FRMD4B: variants seen among roughly 807,000 people sequenced by gnomAD.
The protein encoded by FRMD4B is FERM domain-containing protein 4B.
In FRMD4B, 74 loss-of-function variants were observed where a neutral mutation model predicts 141.5. The ratio of observed to expected loss-of-function variants is 0.52; its 90% CI spans 0.43 to 0.63. FRMD4B has a LOEUF of 0.63. Ranked by LOEUF, FRMD4B falls within the 30% of genes least tolerant of loss-of-function variation. FRMD4B has a pLI of 0.00. For missense variants in FRMD4B, 1,366 were observed against 1,253.4 expected, an observed-to-expected ratio of 1.09 and a Z score of -1.36; for synonymous variants, 506 against 467.9, an observed-to-expected ratio of 1.08 and a Z score of -1.05.
intron 3 of FRMD4B, chr3:69,310,581 C>CAT (rs1299113912): frequency 1.3e-5 from 2 of 159,866 alleles, no homozygotes; most frequent in African/African-American, 5.4e-5. Context: ...CACACACACA[C>CAT]AGAGAGAGAG....
chr3:69,314,173 A>T (rs1177211010), intron 1 of FRMD4B, among the ~76,000 whole-genome samples: 1 of 107,204 alleles, frequency 9.3e-6, no homozygotes, highest in African/African-American at 3.4e-5. Context: ...AAAAAAAAAA[A>T]GCCTCTCCAT....
At chr3:69,267,407 A>G (rs1452902559) in intron 5 of FRMD4B, among the ~76,000 whole-genome samples, 1 of 152,042 alleles carries the variant, frequency 6.6e-6, no homozygotes, top group Non-Finnish European at 1.5e-5. Context: ...AACATTAGCT[A>G]TCAGAGCAAT....
intron 1 of FRMD4B, among the ~76,000 whole-genome samples, chr3:69,437,646 CAGAG>C (rs1317675619): frequency 7.6e-6 from 1 of 130,946 alleles, no homozygotes; most frequent in Non-Finnish European, 1.5e-5. Context: ...TATATATATA[CAGAG>C]AAAGTTTGTA....
At chr3:69,368,124 G>C (rs1178331356) in intron 1 of FRMD4B, among the ~76,000 whole-genome samples, 1 of 151,888 alleles carries the variant, frequency 6.6e-6, no homozygotes, top group African/African-American at 2.4e-5. Flanking sequence ...TCATGTTCTA[G>C]GCATCTGTTT....
At chr3:69,415,355 C>A (rs1488938728) in intron 2 of FRMD4B, among the ~76,000 whole-genome samples, 1 of 152,196 alleles carries the variant, frequency 6.6e-6, no homozygotes, top group African/African-American at 2.4e-5. Flanking sequence ...GATTGGGGAG[C>A]AGATCCATGC....
chr3:69,531,672 A>C (rs1448384696), intron 1 of FRMD4B, among the ~76,000 whole-genome samples: 6 of 152,346 alleles, frequency 3.9e-5, no homozygotes, highest in African/African-American at 1.4e-4. Flanking sequence ...ACAAACTGCC[A>C]ATTTTTAAAT....
At chr3:69,423,815 G>A (rs1705025177) in intron 2 of FRMD4B, among the ~76,000 whole-genome samples, 1 of 152,148 alleles carries the variant, frequency 6.6e-6, no homozygotes, top group Non-Finnish European at 1.5e-5. Context: ...ACCAAATCAA[G>A]TGGACTGTCA....
In FRMD4B at chr3:69,356,584, T is replaced by C. The variant is rs1292095716; in HGVS notation, c.162+29244A>G. Among the ~76,000 whole-genome samples, 3 of 150,026 alleles carry C rather than the reference T, an allele frequency of 2.0e-5. No homozygotes were observed. In the Admixed American group the frequency reaches 2.0e-4, roughly 10 times the overall value. On this transcript the variant is annotated intron_variant, in intron 1 of 22. Transcript: ENST00000398540. ...ACTCCCCTTTATATATAGATATATATATACACACACACATACATATATACA... is the reference window on the plus strand; with the variant it reads ...ACTCCCCTTTATATATAGATATATACATACACACACACATACATATATACA...
intron 5 of FRMD4B, among the ~76,000 whole-genome samples, chr3:69,286,759 T>G (rs1215670081): frequency 6.6e-6 from 1 of 152,198 alleles, no homozygotes; most frequent in Admixed American, 6.5e-5. Flanking sequence ...TATGCTAGTC[T>G]GCAAAGAGAA....
intron 5 of FRMD4B, among the ~76,000 whole-genome samples, chr3:69,255,310 G>T (rs968662035): frequency 6.6e-6 from 1 of 152,150 alleles, no homozygotes; most frequent in Admixed American, 6.5e-5. Context: ...TGGTAAATTT[G>T]GCTTGGCAGA....
intron 11 of FRMD4B, among the ~76,000 whole-genome samples, chr3:69,207,320 A>G (rs113538602): frequency 4.6e-5 from 7 of 150,648 alleles, no homozygotes; most frequent in African/African-American, 1.7e-4. Context: ...AAAAAAAAAA[A>G]AAAGAAAGAA....
At chr3:69,323,304 T>G (rs1022184258) in intron 1 of FRMD4B, among the ~76,000 whole-genome samples, 2 of 152,076 alleles carry the variant, frequency 1.3e-5, no homozygotes, top group African/African-American at 4.8e-5. Flanking sequence ...TGGTGGCTCA[T>G]GCCTGTAATC....
chr3:69,410,421 A>G (rs769694268), intron 2 of FRMD4B, among the ~76,000 whole-genome samples: 1 of 151,968 alleles, frequency 6.6e-6, no homozygotes, highest in Non-Finnish European at 1.5e-5. Flanking sequence ...TATGAGGGTG[A>G]GCATGTCTGT....
intron 1 of FRMD4B, among the ~76,000 whole-genome samples, chr3:69,479,784 T>G (rs1225427915): frequency 2.6e-5 from 4 of 152,232 alleles, no homozygotes; most frequent in African/African-American, 4.8e-5. Flanking sequence ...TTCTCCTGGA[T>G]AATATCTTGC....
chr3:69,200,434 T>C, intron 11 of FRMD4B: 1 of 995,844 alleles, frequency 1.0e-6, no homozygotes, highest in African/African-American at 1.7e-5. Context: ...GTTCCAAAAA[T>C]GGGACAGAAA....
intron 17 of FRMD4B, among the ~76,000 whole-genome samples, chr3:69,191,399 G>A (rs2092835359): frequency 1.3e-5 from 2 of 152,114 alleles, no homozygotes; most frequent in African/African-American, 4.8e-5. Flanking sequence ...CAGGCTGGGT[G>A]GCAGAGACAG....
intron 1 of FRMD4B, among the ~76,000 whole-genome samples, chr3:69,320,463 T>C (rs1701959985): frequency 6.6e-6 from 1 of 151,914 alleles, no homozygotes; most frequent in African/African-American, 2.4e-5. Flanking sequence ...CATTGTGGTG[T>C]GTGCCTGTAG....
intron 11 of FRMD4B, chr3:69,200,895 A>T: frequency 2.2e-6 from 1 of 456,098 alleles, no homozygotes; most frequent in East Asian, 7.0e-5. Context: ...CACACATAAA[A>T]ACCAGGGCTG....
At chr3:69,444,381 T>C (rs1705383252) in intron 1 of FRMD4B, among the ~76,000 whole-genome samples, 1 of 152,184 alleles carries the variant, frequency 6.6e-6, no homozygotes, top group African/African-American at 2.4e-5. Context: ...CTGAATTGAA[T>C]TGAGGACATC....
Sources: gnomAD v4.1 joint callset for allele counts (sites outside exome capture counted in the v4.1 genomes callset) on GRCh38, gnomAD v4.1.1 for gene constraint, MANE v1.5 for transcripts, NCBI Gene and HGNC (gene_info 2026-07-23, HGNC 2026-07-21) for gene names.